The following CFAP61 variants were observed in gnomAD, a reference collection of about 807,000 sequenced individuals.
The protein encoded by CFAP61 is cilia- and flagella-associated protein 61.
CFAP61 carries 107 observed loss-of-function variants against 135.6 expected under a neutral mutation model. The observed-to-expected ratio is 0.79, with a 90% CI of 0.67 to 0.93. CFAP61 has a LOEUF of 0.93. Among genes scored for constraint, CFAP61 ranks in the 40% least tolerant of loss-of-function variants. CFAP61 has a pLI of 0.00. For missense variants in CFAP61, 1,507 were observed against 1,556.2 expected (o/e 0.97, Z 0.53); for synonymous variants, 575 against 578.5 (o/e 0.99, Z 0.09).
chr20:20,125,533 T>G (rs776495755), intron 8 of CFAP61, among the ~76,000 whole-genome samples: 10 of 151,784 alleles, frequency 6.6e-5, no homozygotes, highest in Non-Finnish European at 1.5e-4. Flanking sequence ...GTTTTGAAGG[T>G]TCCTTTTGGA....
chr20:20,221,478 C>T (rs923458745), intron 17 of CFAP61, among the ~76,000 whole-genome samples: 2 of 152,000 alleles, frequency 1.3e-5, no homozygotes, highest in Non-Finnish European at 1.5e-5. Context: ...ATTTTATGTA[C>T]TATTAAGAAA....
chr20:20,275,696 C>T (rs909827852), intron 21 of CFAP61, among the ~76,000 whole-genome samples: 1 of 152,210 alleles, frequency 6.6e-6, no homozygotes, highest in South Asian at 2.1e-4. Context: ...ATTCGTTCAA[C>T]TGAAAATGAA....
At chr20:20,311,898 T>TA (rs1488593524) in intron 25 of CFAP61, among the ~76,000 whole-genome samples, 2 of 152,146 alleles carry the variant, frequency 1.3e-5, no homozygotes, top group African/African-American at 4.8e-5. Context: ...ACTTTAAGAT[T>TA]AATGAGGCAA....
chr20:20,052,672 G>A (rs142988900), intron 1 of CFAP61, 81 bp downstream of exon 1: 27,907 of 1,613,200 alleles, frequency 0.017, 318 homozygotes, highest in Non-Finnish European at 0.018. Context: ...GTCAGCCTCC[G>A]GAACTGGGAT....
intron 25 of CFAP61, among the ~76,000 whole-genome samples, chr20:20,328,080 G>A (rs1319169298): frequency 6.6e-6 from 1 of 152,204 alleles, no homozygotes; most frequent in Non-Finnish European, 1.5e-5. Context: ...GCTTTGATAA[G>A]TAACTAAGTA....
chr20:20,198,996 C>T (rs2056459710), intron 16 of CFAP61, among the ~76,000 whole-genome samples: 1 of 152,012 alleles, frequency 6.6e-6, no homozygotes, highest in South Asian at 2.1e-4. Context: ...CACCAAAACC[C>T]CTAAGATTTC....
intron 8 of CFAP61, 126 bp downstream of exon 8, chr20:20,098,940 G>A: frequency 2.4e-6 from 2 of 833,464 alleles, no homozygotes; most frequent in Non-Finnish European, 3.6e-6. Flanking sequence ...CCCTTAAGGA[G>A]TAGTTCCCAT....
intron 16 of CFAP61, 119 bp downstream of exon 16, chr20:20,196,895 A>C (rs1394144376): frequency 1.2e-6 from 1 of 862,618 alleles, no homozygotes; most frequent in Non-Finnish European, 1.9e-6. Flanking sequence ...ATGGGTCTGA[A>C]TTTCCAATGG....
In CFAP61 at chr20:20,355,986, C is replaced by G. The variant is rs199564456; in HGVS notation, c.3514-4224C>G. ...GGGAGGTGATCACACTGTGAGGGGA[C>G]GTCACACTGTGAGGGGAGGTGGTCA... On this transcript the variant is annotated intron_variant, in intron 26 of 26. Coordinates refer to ENST00000245957, the MANE Select transcript of CFAP61 (RefSeq NM_015585.4). Among the ~76,000 whole-genome samples the G allele has an allele frequency of 3.2e-4, 31 of 96,622 alleles. 9 individuals are homozygous for G. The highest frequency in any genetic ancestry group is 2.3e-3 in the South Asian group (6 of 2,594). 63.4% of individuals were successfully genotyped at this position (96,622 alleles called of 152,430 possible).
intron 17 of CFAP61, among the ~76,000 whole-genome samples, chr20:20,212,607 C>T (rs530594647): frequency 5.9e-5 from 9 of 152,194 alleles, no homozygotes; most frequent in East Asian, 1.9e-4. Context: ...TCCATGAGCC[C>T]GATAAACACC....
At chr20:20,185,877 C>G (rs1307004898) in intron 13 of CFAP61, among the ~76,000 whole-genome samples, 2 of 151,468 alleles carry the variant, frequency 1.3e-5, no homozygotes, top group Non-Finnish European at 2.9e-5. Flanking sequence ...AAATAAAGAC[C>G]TTTTTCTCAT....
At chr20:20,235,154 G>A (rs1026519571) in intron 18 of CFAP61, among the ~76,000 whole-genome samples, 3 of 152,106 alleles carry the variant, frequency 2.0e-5, no homozygotes, top group Non-Finnish European at 2.9e-5. Flanking sequence ...CTGGTGAGAC[G>A]TTCCCTGGAG....
chr20:20,237,992 CT>C (rs1310538130), intron 18 of CFAP61, among the ~76,000 whole-genome samples: 3 of 152,118 alleles, frequency 2.0e-5, no homozygotes, highest in Non-Finnish European at 4.4e-5. Context: ...CATTGCTAAG[CT>C]TTTTTCACCT....
chr20:20,278,408 G>C (rs2053933921), intron 22 of CFAP61, among the ~76,000 whole-genome samples: 1 of 152,192 alleles, frequency 6.6e-6, no homozygotes, highest in African/African-American at 2.4e-5. Context: ...TTACAGCTTA[G>C]GAGGTTAGTA....
In CFAP61 at chr20:20,090,962, G is replaced by T; in HGVS notation, c.685G>T (p.Ala229Ser). 1 of 1,614,122 alleles carries T rather than the reference G, an allele frequency of 6.2e-7. No homozygotes were observed. Among genetic ancestry groups the T allele is most frequent in the Non-Finnish European group, 8.5e-7 (1 of 1,180,002 alleles). The change falls in exon 7 of 27, where the codon GCT (alanine) becomes TCT (serine). Residue 229 changes from alanine to serine, a missense_variant. Transcript: ENST00000245957. ...LIEAQDEENH[A>S]VVCEVEGTAV... ...AGAGGCCCAAGATGAAGAGAATCAT[G>T]CTGTTGTGTGTGAGGTCAGTGACTG...
intron 11 of CFAP61, among the ~76,000 whole-genome samples, chr20:20,164,936 T>C (rs967377382): frequency 6.6e-6 from 1 of 152,188 alleles, no homozygotes; most frequent in Non-Finnish European, 1.5e-5. Context: ...TTTCCCCTTA[T>C]AAAACCATGA....
At chr20:20,128,311 C>G (rs1290492810) in intron 8 of CFAP61, among the ~76,000 whole-genome samples, 1 of 151,736 alleles carries the variant, frequency 6.6e-6, no homozygotes, top group Non-Finnish European at 1.5e-5. Context: ...CCCTGTGGTG[C>G]CAGGCAGGAA....
intron 8 of CFAP61, among the ~76,000 whole-genome samples, chr20:20,126,726 G>A (rs1032552827): frequency 4.0e-5 from 6 of 151,788 alleles, no homozygotes; most frequent in African/African-American, 1.5e-4. Context: ...AATTTCTCAG[G>A]TGTTCTTTGT....
intron 25 of CFAP61, among the ~76,000 whole-genome samples, chr20:20,312,997 C>G (rs572230745): frequency 1.6e-4 from 24 of 152,196 alleles, no homozygotes; most frequent in Non-Finnish European, 3.1e-4. Context: ...CAACTGATAG[C>G]CTTGCGTATA....
Sources: allele counts gnomAD v4.1 joint callset (sites outside exome capture counted in the v4.1 genomes callset), GRCh38; gene constraint gnomAD v4.1.1; transcripts MANE v1.5; gene names NCBI Gene and HGNC (gene_info 2026-07-23, HGNC 2026-07-21).